The following STOX1 variants were observed in gnomAD, a reference collection of about 807,000 sequenced individuals.
The protein encoded by STOX1 is storkhead-box protein 1.
STOX1 carries 57 observed loss-of-function variants against 74.8 expected under a neutral mutation model. That is an observed-to-expected ratio of 0.76 (90% confidence interval 0.62 to 0.95). The LOEUF (loss-of-function observed/expected upper bound fraction) is 0.95. Among genes scored for constraint, STOX1 ranks in the 40% least tolerant of loss-of-function variants. The probability of loss-of-function intolerance (pLI) is 0.00; values close to 1 mark genes in which losing one functional copy is unlikely to be tolerated. For synonymous variants in STOX1, 375 were observed against 401.3 expected (o/e 0.93, Z 0.78); for missense variants, 1,010 against 1,117.0 (o/e 0.90, Z 1.37).
Position 68,884,799 on chromosome 10 carries a change from G to T in STOX1, c.1003G>T (p.Ala335Ser). The change falls in exon 3 of 4, where the codon GCT (alanine) becomes TCT (serine). Residue 335 changes from alanine (A) to serine (S), a missense_variant. Transcript: ENST00000298596. ...KPKTEHSSFS[A>S]QFPPEEWPVR... is the part of the protein sequence containing the mutation. Reference sequence around the variant, plus strand: ...CAAAACAGAACACAGCAGTTTCTCTGCTCAGTTCCCACCTGAAGAATGGCC... The same window carrying T: ...CAAAACAGAACACAGCAGTTTCTCTTCTCAGTTCCCACCTGAAGAATGGCC... The T allele has an allele frequency of 6.2e-7, 1 of 1,614,190 alleles. No individual in the cohort carries two copies. Among genetic ancestry groups the T allele is most frequent in the Non-Finnish European group, 8.5e-7 (1 of 1,180,028 alleles).
chr10:68,833,575 T>G (rs1839466299), intron 1 of STOX1, among the ~76,000 whole-genome samples: 1 of 152,082 alleles, frequency 6.6e-6, no homozygotes, highest in African/African-American at 2.4e-5. Flanking sequence ...AGGGGCTGCA[T>G]GCACTGGTGG....
At chr10:68,873,619 C>CT (rs903229250) in intron 1 of STOX1, among the ~76,000 whole-genome samples, 5 of 126,158 alleles carry the variant, frequency 4.0e-5, no homozygotes, top group Non-Finnish European at 8.5e-5. Flanking sequence ...CTAGCTAGTC[C>CT]TTTTTTTTTC....
intron 1 of STOX1, among the ~76,000 whole-genome samples, chr10:68,857,191 A>C (rs1040952684): frequency 2.6e-5 from 4 of 152,102 alleles, no homozygotes; most frequent in Non-Finnish European, 5.9e-5. Flanking sequence ...GGCACTCCCT[A>C]CCCCAGGGCT....
chr10:68,857,320 A>G (rs1252998612), intron 1 of STOX1, among the ~76,000 whole-genome samples: 1 of 152,050 alleles, frequency 6.6e-6, no homozygotes, highest in East Asian at 1.9e-4. Context: ...GAAAAAGGCA[A>G]CTGCTTCCCT....
chr10:68,828,514 C>T (rs561294188), intron 1 of STOX1, among the ~76,000 whole-genome samples: 97 of 152,260 alleles, frequency 6.4e-4, no homozygotes, highest in Middle Eastern at 3.4e-3. Flanking sequence ...TGGCTCCGGG[C>T]TGAGTCCGTT....
chr10:68,835,708 C>T (rs1274027605), intron 1 of STOX1, among the ~76,000 whole-genome samples: 3 of 152,178 alleles, frequency 2.0e-5, no homozygotes, highest in Admixed American at 2.0e-4. Flanking sequence ...TGCATTGGGC[C>T]TTTTCGATAT....
intron 1 of STOX1, among the ~76,000 whole-genome samples, chr10:68,879,376 A>G (rs1459331824): frequency 6.6e-6 from 1 of 151,882 alleles, no homozygotes; most frequent in Non-Finnish European, 1.5e-5. Flanking sequence ...TCTCTGCCTC[A>G]ATATATTTGT....
At chr10:68,831,934 T>C (rs972115647) in intron 1 of STOX1, among the ~76,000 whole-genome samples, 6 of 151,140 alleles carry the variant, frequency 4.0e-5, no homozygotes, top group African/African-American at 1.2e-4. Context: ...CTTTTCTTTT[T>C]TTTTTTTTTA....
chr10:68,877,548 A>C (rs970042468), intron 1 of STOX1, among the ~76,000 whole-genome samples: 1 of 152,210 alleles, frequency 6.6e-6, no homozygotes, highest in African/African-American at 2.4e-5. Context: ...TATCTTGACT[A>C]TTAGTTTTCT....
At chr10:68,879,319 A>G (rs553982189) in intron 1 of STOX1, among the ~76,000 whole-genome samples, 2 of 151,848 alleles carry the variant, frequency 1.3e-5, no homozygotes, top group South Asian at 4.2e-4. Context: ...TTTCTTTCTA[A>G]CTTGACAGAA....
At position 68,886,138 on chromosome 10, in the gene STOX1, A is replaced by G. The variant is rs762904225; in HGVS notation, c.2342A>G (p.Glu781Gly). Residue 781 changes from glutamate (E) to glycine (G), a missense_variant, in exon 3 of 4, where the codon GAG becomes GGG. Physicochemically the swap from Glu to Gly is moderately conservative, Grantham distance 98. Coordinates refer to ENST00000298596, the MANE Select transcript of STOX1 (RefSeq NM_152709.5). ...KQKVIERSLT[E>G]YNSTMERVES... ...AAAGTGATTGAGAGATCTCTGACCGAGTACAACAGCACAATGGAGAGGGTT... is the reference window on the plus strand; with the variant it reads ...AAAGTGATTGAGAGATCTCTGACCGGGTACAACAGCACAATGGAGAGGGTT... 2.5e-6 allele frequency: 4 copies of G among 1,614,108 alleles called. No individual in the cohort carries two copies. Among genetic ancestry groups the G allele is most frequent in the Non-Finnish European group, 3.4e-6 (4 of 1,180,044 alleles).
intron 1 of STOX1, among the ~76,000 whole-genome samples, chr10:68,856,681 T>C (rs1840133686): frequency 6.6e-6 from 1 of 152,054 alleles, no homozygotes; most frequent in Non-Finnish European, 1.5e-5. Flanking sequence ...ACCCTCCTCC[T>C]TGCTGCAGCG....
chr10:68,885,255 T>C lies in STOX1; in HGVS notation c.1459T>C (p.Leu487=). Residue 487 remains leucine (L), a synonymous_variant, in exon 3 of 4, where the codon TTG becomes CTG. Transcript: ENST00000298596. ...GATTACAACAGTGCTAGGTTCCCAT[T>C]TGATTTACAAAAAGCGAATCAGTAA... is the stretch of plus-strand genomic sequence containing the variant. ...GEITTVLGSH[L]IYKKRISNPF... 6.2e-6 allele frequency: 10 copies of C among 1,614,200 alleles called. No individual in the cohort carries two copies. Among genetic ancestry groups the C allele is most frequent in the Non-Finnish European group, 8.5e-6 (10 of 1,180,030 alleles).
At chr10:68,864,630 C>G (rs758946133) in intron 1 of STOX1, among the ~76,000 whole-genome samples, 12 of 152,190 alleles carry the variant, frequency 7.9e-5, no homozygotes, top group Non-Finnish European at 1.5e-4. Context: ...GAAGGAAAAT[C>G]CACTTCATAA....
intron 1 of STOX1, among the ~76,000 whole-genome samples, chr10:68,867,473 G>T (rs116057553): frequency 1.3e-5 from 2 of 152,098 alleles, no homozygotes; most frequent in Non-Finnish European, 1.5e-5. Context: ...TGCTCAGGGC[G>T]CTGTTCTAAT....
At chr10:68,883,619 G>A (rs1321045079) in intron 2 of STOX1, among the ~76,000 whole-genome samples, 1 of 151,994 alleles carries the variant, frequency 6.6e-6, no homozygotes, top group Non-Finnish European at 1.5e-5. Flanking sequence ...TCACCATGTT[G>A]CCCAGCCTGG....
intron 1 of STOX1, among the ~76,000 whole-genome samples, chr10:68,841,478 A>T (rs1274594945): frequency 6.6e-6 from 1 of 152,186 alleles, no homozygotes; most frequent in Non-Finnish European, 1.5e-5. Flanking sequence ...GGATAGACAT[A>T]TCTGCCTCCA....
Position 68,827,591 on chromosome 10 carries a change from C to A in STOX1, c.-33C>A. The stretch of plus-strand genomic sequence containing the variant: ...CGTAGCCGCCGCGCTCGCCGAGGCC[C>A]TGCGTTGCGGGCTCCCGGCCGCCGG... On this transcript the variant is annotated 5_prime_UTR_variant, in exon 1 of 4. It adds an upstream start codon to the 5' untranslated region. Coordinates refer to ENST00000298596, the MANE Select transcript of STOX1 (RefSeq NM_152709.5). The A allele has an allele frequency of 8.9e-7, 1 of 1,129,394 alleles. No homozygotes were observed. Among genetic ancestry groups the A allele is most frequent in the Admixed American group, 4.9e-5 (1 of 20,516 alleles). The allele number at this position is 1,129,394 out of a possible 1,614,324, so 70.0% of individuals were successfully genotyped here. A position where few individuals can be genotyped will look rare whatever the true frequency, so the allele number is the denominator to read the frequency against.
intron 1 of STOX1, among the ~76,000 whole-genome samples, chr10:68,836,511 G>A (rs1241252417): frequency 6.6e-6 from 1 of 152,114 alleles, no homozygotes; most frequent in Non-Finnish European, 1.5e-5. Flanking sequence ...CTTCTGTCTC[G>A]TCCTTCTGTC....
Sources: gnomAD v4.1 joint callset for allele counts (sites outside exome capture counted in the v4.1 genomes callset) on GRCh38, gnomAD v4.1.1 for gene constraint, MANE v1.5 for transcripts, NCBI Gene and HGNC (gene_info 2026-07-23, HGNC 2026-07-21) for gene names.